CELF2: variants seen among roughly 807,000 people sequenced by gnomAD.
CELF2 encodes the protein CUG triplet repeat RNA-binding protein 2.
In CELF2, 8 loss-of-function variants were observed where a neutral mutation model predicts 62.6. The observed-to-expected ratio is 0.13, with a 90% CI of 0.07 to 0.23. The LOEUF (loss-of-function observed/expected upper bound fraction) is 0.23, where lower values mean the gene tolerates loss of function less well. Ranked by LOEUF, CELF2 falls within the 10% of genes least tolerant of loss-of-function variation. CELF2 has a pLI of 1.00. For synonymous variants in CELF2, 258 were observed against 250.0 expected (o/e 1.03, Z -0.30); for missense variants, 333 against 671.0 (o/e 0.50, Z 5.56).
chr10:10,609,456 G>T, the CELF2 span, among the ~76,000 whole-genome samples: 1 of 152,078 alleles, frequency 6.6e-6, no homozygotes, highest in Non-Finnish European at 1.5e-5. Context: ...ACCACCGCGC[G>T]TGCACACACA....
intron 1 of CELF2, among the ~76,000 whole-genome samples, chr10:11,037,382 G>A (rs960016613): frequency 6.6e-6 from 1 of 152,238 alleles, no homozygotes; most frequent in East Asian, 1.9e-4. Context: ...AGATTTGTGT[G>A]AGGACACAGC....
At chr10:11,023,501 A>G (rs529718293) in intron 1 of CELF2, among the ~76,000 whole-genome samples, 5 of 152,362 alleles carry the variant, frequency 3.3e-5, no homozygotes, top group Non-Finnish European at 5.9e-5. Context: ...ATCACCGTGT[A>G]ATTGTTCCAT....
At chr10:10,559,266 T>G in the CELF2 span, among the ~76,000 whole-genome samples, 12 of 152,230 alleles carry the variant, frequency 7.9e-5, no homozygotes, top group African/African-American at 2.9e-4. Context: ...ATTCGATGTT[T>G]TCTCCAGAAT....
chr10:10,731,668 T>C, the CELF2 span, among the ~76,000 whole-genome samples: 1 of 152,212 alleles, frequency 6.6e-6, no homozygotes, highest in African/African-American at 2.4e-5. Context: ...AAGAAAATCA[T>C]TTTGAAAGGG....
chr10:11,256,387 C>A (rs959255382), intron 4 of CELF2, among the ~76,000 whole-genome samples: 3 of 151,946 alleles, frequency 2.0e-5, no homozygotes, highest in Admixed American at 1.3e-4. Context: ...ATTGCCTATT[C>A]GCTAAATGAA....
the CELF2 span, among the ~76,000 whole-genome samples, chr10:10,747,707 G>GAT: frequency 4.3e-4 from 65 of 151,550 alleles, no homozygotes; most frequent in Middle Eastern, 3.4e-3. Flanking sequence ...TGGGTATATA[G>GAT]ATATATATAT....
At chr10:10,609,198 G>C in the CELF2 span, among the ~76,000 whole-genome samples, 1 of 152,136 alleles carries the variant, frequency 6.6e-6, no homozygotes, top group Non-Finnish European at 1.5e-5. Flanking sequence ...TTATATGTTA[G>C]CCAAGGCCAC....
chr10:11,061,958 A>C (rs1193549537), intron 1 of CELF2, among the ~76,000 whole-genome samples: 1 of 152,186 alleles, frequency 6.6e-6, no homozygotes, highest in Non-Finnish European at 1.5e-5. Flanking sequence ...AACTATAGGC[A>C]CCTGCCACCA....
At chr10:10,710,602 T>A in the CELF2 span, among the ~76,000 whole-genome samples, 1 of 152,130 alleles carries the variant, frequency 6.6e-6, no homozygotes, top group Non-Finnish European at 1.5e-5. Context: ...ACCTACTACC[T>A]GGTGAGCTTG....
chr10:11,049,564 A>T (rs1362833263), intron 1 of CELF2, among the ~76,000 whole-genome samples: 28 of 127,878 alleles, frequency 2.2e-4, no homozygotes, highest in South Asian at 6.6e-4. Context: ...TTAGTAAAAA[A>T]AAAAAAAAAA....
intron 3 of CELF2, among the ~76,000 whole-genome samples, chr10:11,218,110 A>G (rs1163447037): frequency 6.6e-6 from 1 of 152,334 alleles, no homozygotes; most frequent in East Asian, 1.9e-4. Flanking sequence ...CCAGAAATGA[A>G]CTGATGTTGC....
At chr10:11,059,269 TG>T (rs1421438962) in intron 1 of CELF2, among the ~76,000 whole-genome samples, 1 of 152,218 alleles carries the variant, frequency 6.6e-6, no homozygotes, top group Non-Finnish European at 1.5e-5. Context: ...CCTGGCTTTT[TG>T]ACTTGATTTG....
At chr10:10,468,255 C>A in the CELF2 span, among the ~76,000 whole-genome samples, 1 of 151,980 alleles carries the variant, frequency 6.6e-6, no homozygotes, top group Admixed American at 6.6e-5. Context: ...CTTTGGCCCT[C>A]CACAAAGTCA....
the CELF2 span, among the ~76,000 whole-genome samples, chr10:10,533,918 GA>G: frequency 1.3e-5 from 2 of 152,102 alleles, no homozygotes; most frequent in Non-Finnish European, 2.9e-5. Flanking sequence ...GATCACTGAA[GA>G]AGAGAGTATG....
intron 1 of CELF2, among the ~76,000 whole-genome samples, chr10:10,847,763 T>A (rs575218263): frequency 1.3e-5 from 2 of 152,334 alleles, no homozygotes; most frequent in South Asian, 4.1e-4. Flanking sequence ...GAGCTTCTGA[T>A]TCATTTGGTC....
chr10:10,464,993 A>G, the CELF2 span, among the ~76,000 whole-genome samples: 1 of 152,162 alleles, frequency 6.6e-6, no homozygotes, highest in African/African-American at 2.4e-5. Context: ...TGCATTTGCC[A>G]TGAGCTCTTG....
the CELF2 span, among the ~76,000 whole-genome samples, chr10:10,525,607 C>T: frequency 6.6e-5 from 10 of 152,252 alleles, no homozygotes; most frequent in Non-Finnish European, 1.0e-4. Context: ...TCTTTCTTTG[C>T]CTGGCTTATT....
chr10:10,845,851 A>G (rs1171066390), intron 1 of CELF2, among the ~76,000 whole-genome samples: 1 of 152,202 alleles, frequency 6.6e-6, no homozygotes, highest in Non-Finnish European at 1.5e-5. Flanking sequence ...TAAGATTAAG[A>G]AAGATAGATA....
chr10:11,156,687 A>C lies in CELF2; in HGVS notation c.75-8799A>C, dbSNP rs1054229406. Among the ~76,000 whole-genome samples, 8 of 152,308 alleles carry C rather than the reference A, an allele frequency of 5.3e-5. No homozygotes were observed. Among genetic ancestry groups the C allele is most frequent in the Non-Finnish European group, 1.0e-4 (7 of 68,030 alleles). ...TGAATGAGACATCCCTGTCTTCAGG[A>C]TGTCACACTTCCACCATGCACTTGA... On this transcript the variant is annotated intron_variant, in intron 1 of 12. Transcript: ENST00000633077. The surrounding 1 kb of genome is among the most constrained non-coding windows in gnomAD (Gnocchi z 4.3).
Sources: allele counts gnomAD v4.1 joint callset (sites outside exome capture counted in the v4.1 genomes callset), GRCh38; gene constraint gnomAD v4.1.1; non-coding constraint Gnocchi (gnomAD v3.1); transcripts MANE v1.5; gene names NCBI Gene and HGNC (gene_info 2026-07-23, HGNC 2026-07-21).